The following SORCS2 variants were observed in gnomAD, a reference collection of about 807,000 sequenced individuals.
SORCS2 encodes the protein VPS10 domain-containing receptor SorCS2.
A neutral mutation model predicts 141.6 loss-of-function variants in SORCS2; 100 were observed. That is an observed-to-expected ratio of 0.71 (90% CI 0.60 to 0.83). The LOEUF is 0.83. SORCS2 is among the 40% of genes least tolerant of loss of function. The pLI, the probability that SORCS2 is intolerant of heterozygous loss-of-function variation, is 0.00. For missense variants in SORCS2, 1,646 were observed against 1,560.2 expected (o/e 1.05, Z -0.93); for synonymous variants, 789 against 676.9 (o/e 1.17, Z -2.57).
At chr4:7,276,397 T>A (rs999109361) in intron 1 of SORCS2, among the ~76,000 whole-genome samples, 2 of 152,144 alleles carry the variant, frequency 1.3e-5, no homozygotes, top group African/African-American at 4.8e-5. Context: ...CAGCTCCACC[T>A]TGGGGCAGGC....
intron 1 of SORCS2, among the ~76,000 whole-genome samples, chr4:7,377,564 A>G (rs977870929): frequency 6.6e-6 from 1 of 152,224 alleles, no homozygotes; most frequent in African/African-American, 2.4e-5. Flanking sequence ...TGTTAATTTT[A>G]GACAGGGCTC....
chr4:7,618,168 G>T (rs917471934), intron 3 of SORCS2, among the ~76,000 whole-genome samples: 3 of 151,988 alleles, frequency 2.0e-5, no homozygotes, highest in Non-Finnish European at 2.9e-5. Flanking sequence ...AGCCTCCTCC[G>T]CAGGCTCCTC....
At position 7,714,318 on chromosome 4, in the gene SORCS2, T is replaced by G; in HGVS notation, c.2068T>G (p.Phe690Val). 1.3e-6 allele frequency: 2 copies of G among 1,592,110 alleles called. No homozygotes were observed. The highest frequency in any genetic ancestry group is 1.7e-6 in the Non-Finnish European group (2 of 1,169,172). ...STSWCIKGRS[F>V]TSALTSRVCE... is the part of the protein sequence containing the mutation. ...GTCCTGGTGCATCAAGGGGAGGAGC[T>G]TCACGTCGGCGCTCACGTCCCGCGT... Residue 690 changes from phenylalanine to valine, a missense_variant, in exon 16 of 27, where the codon TTC becomes GTC. Transcript: ENST00000507866.
At chr4:7,731,363 A>T (rs551845834) in intron 23 of SORCS2, among the ~76,000 whole-genome samples, 1 of 152,324 alleles carries the variant, frequency 6.6e-6, no homozygotes, top group African/African-American at 2.4e-5. Flanking sequence ...GATTAGAAGA[A>T]TTTATATTAT....
In SORCS2 at chr4:7,697,247, G is replaced by C. The variant is rs375993623; in HGVS notation, c.1641G>C (p.Thr547=). 4.4e-6 allele frequency: 7 copies of C among 1,591,322 alleles called. No homozygotes were observed. Among genetic ancestry groups the C allele is most frequent in the South Asian group, 3.5e-5 (3 of 86,788 alleles). Residue 547 remains threonine, a synonymous_variant, in exon 12 of 27, where the codon ACG becomes ACC. Coordinates refer to ENST00000507866, the MANE Select transcript of SORCS2 (RefSeq NM_020777.3). ...LVEYKEEMYI[T]SDCGHTWRQV... ...AATATAAAGAAGAAATGTACATCAC[G>C]TCAGACTGTGGTCACACCTGGCGGC...
intron 3 of SORCS2, among the ~76,000 whole-genome samples, chr4:7,539,079 T>C (rs890422385): frequency 2.6e-5 from 4 of 152,148 alleles, no homozygotes; most frequent in Non-Finnish European, 5.9e-5. Context: ...CCAGGCCCCA[T>C]AGCCGGTGGG....
chr4:7,645,643 T>C (rs1721024494), intron 4 of SORCS2, among the ~76,000 whole-genome samples: 1 of 152,206 alleles, frequency 6.6e-6, no homozygotes, highest in South Asian at 2.1e-4. Context: ...TGGCTGGAGC[T>C]GCAGGTATTT....
Position 7,192,789 on chromosome 4 carries a change from C to A in SORCS2, c.143C>A (p.Ala48Glu). 1 of 1,014,158 alleles carries A rather than the reference C, an allele frequency of 9.9e-7. No individual in the cohort carries two copies. The highest frequency in any genetic ancestry group is 1.2e-6 in the Non-Finnish European group (1 of 850,734). The allele number at this position is 1,014,158 out of a possible 1,614,324, so 62.8% of individuals were successfully genotyped here. Residue 48 changes from alanine to glutamate, a missense_variant, in exon 1 of 27, where the codon GCG becomes GAG. Transcript: ENST00000507866. This position sits in a 1 kb window ranked among gnomAD's most constrained non-coding sequence, Gnocchi z 4.0. ...LLLLLLGACG[A>E]AGRSPEPGRL... Reference sequence around the variant, plus strand: ...CTGCTGCTGCTGGGCGCCTGCGGGGCGGCGGGGCGCTCCCCTGAGCCCGGG... The same window carrying A: ...CTGCTGCTGCTGGGCGCCTGCGGGGAGGCGGGGCGCTCCCCTGAGCCCGGG...
At chr4:7,366,474 TC>T (rs3074987) in intron 1 of SORCS2, among the ~76,000 whole-genome samples, 1 of 119,384 alleles carries the variant, frequency 8.4e-6, no homozygotes, top group Admixed American at 8.5e-5. Context: ...AGCGTGCCCC[TC>T]CCCCCCTCTC....
At chr4:7,686,961 G>A (rs543954306) in intron 10 of SORCS2, among the ~76,000 whole-genome samples, 1 of 152,276 alleles carries the variant, frequency 6.6e-6, no homozygotes, top group African/African-American at 2.4e-5. Flanking sequence ...CACTTCTCTG[G>A]CCTGAGTGCC....
At chr4:7,377,566 A>G (rs1160576506) in intron 1 of SORCS2, among the ~76,000 whole-genome samples, 1 of 152,228 alleles carries the variant, frequency 6.6e-6, no homozygotes, top group East Asian at 1.9e-4. Flanking sequence ...TTAATTTTAG[A>G]CAGGGCTCTT....
intron 1 of SORCS2, among the ~76,000 whole-genome samples, chr4:7,222,792 T>TGGGCACGGCAGCTGTGGTGGGGTGTGGGC (rs1728788523): frequency 6.6e-6 from 1 of 151,842 alleles, no homozygotes; most frequent in Non-Finnish European, 1.5e-5. Flanking sequence ...GGGGTGTGGG[T>TGGGCACGGCAGCTGTGGTGGGGTGTGGGC]GCTGGGCACG....
At position 7,360,196 on chromosome 4, in the gene SORCS2, T is replaced by G. The variant is rs148302924; in HGVS notation, c.481-36092T>G. 5.9e-5 allele frequency among the ~76,000 whole-genome samples: 9 copies of G among 152,380 alleles called. No homozygotes were observed. The East Asian group carries it at 1.7e-3, about 29-fold the overall frequency. ...CCCACAGAATACCGGGCAGGTTTTCTTTCTGCATTCACTTATACAGTCTTC... is the reference window on the plus strand; with the variant it reads ...CCCACAGAATACCGGGCAGGTTTTCGTTCTGCATTCACTTATACAGTCTTC... On this transcript the variant is annotated intron_variant, in intron 1 of 26. Transcript: ENST00000507866.
intron 1 of SORCS2, among the ~76,000 whole-genome samples, chr4:7,271,190 G>A (rs1266817895): frequency 6.6e-6 from 1 of 152,136 alleles, no homozygotes; most frequent in Non-Finnish European, 1.5e-5. Context: ...CAGCCAGAAG[G>A]ACCCTGTCAA....
chr4:7,390,998 A>G (rs1289202218), intron 1 of SORCS2, among the ~76,000 whole-genome samples: 3 of 152,140 alleles, frequency 2.0e-5, no homozygotes, highest in South Asian at 2.1e-4. Flanking sequence ...TTGGGCGTCT[A>G]TGTTCTGATT....
At chr4:7,215,290 G>T (rs1728269455) in intron 1 of SORCS2, among the ~76,000 whole-genome samples, 1 of 152,234 alleles carries the variant, frequency 6.6e-6, no homozygotes, top group Non-Finnish European at 1.5e-5. Context: ...GCTGTGGAGG[G>T]TGTACTGGGT....
intron 4 of SORCS2, among the ~76,000 whole-genome samples, chr4:7,640,186 CTATG>C (rs1720599669): frequency 6.7e-5 from 1 of 14,872 alleles, no homozygotes; most frequent in Admixed American, 1.0e-3. Context: ...GTGTGAGAGC[CTATG>C]TGAGTGTGAG....
chr4:7,626,776 G>A (rs937259675), intron 3 of SORCS2, among the ~76,000 whole-genome samples: 22 of 152,120 alleles, frequency 1.4e-4, no homozygotes, highest in African/African-American at 5.3e-4. Context: ...GGCCATGGGA[G>A]GGTGATTTCA....
intron 14 of SORCS2, among the ~76,000 whole-genome samples, chr4:7,706,406 C>CTGGGCAGGGATGAGGCTGGGCTCTGT (rs1560498949): frequency 1.2e-4 from 12 of 98,100 alleles, no homozygotes; most frequent in South Asian, 3.5e-4. Context: ...CTGGGCTCTG[C>CTGGGCAGGGATGAGGCTGGGCTCTGT]CTGGACAGAG....
Sources: gnomAD v4.1 joint callset for allele counts (sites outside exome capture counted in the v4.1 genomes callset) on GRCh38, gnomAD v4.1.1 for gene constraint, Gnocchi (gnomAD v3.1) non-coding constraint, MANE v1.5 for transcripts, NCBI Gene and HGNC (gene_info 2026-07-23, HGNC 2026-07-21) for gene names.